ALG9: variants seen among roughly 807,000 people sequenced by gnomAD.
The protein encoded by ALG9 is alpha-1,2-mannosyltransferase ALG9.
In ALG9, 55 loss-of-function variants were observed where a neutral mutation model predicts 81.8. That is an observed-to-expected ratio of 0.67 (90% confidence interval 0.54 to 0.84). ALG9 has a LOEUF of 0.84. Ranked by LOEUF, ALG9 falls within the 40% of genes least tolerant of loss-of-function variation. The probability of loss-of-function intolerance (pLI) is 0.00; values close to 1 mark genes in which losing one functional copy is unlikely to be tolerated. For missense variants in ALG9, 629 were observed against 745.0 expected, an observed-to-expected ratio of 0.84 and a Z score of 1.81; for synonymous variants, 278 against 274.3, an observed-to-expected ratio of 1.01 and a Z score of -0.13.
intron 13 of ALG9, among the ~76,000 whole-genome samples, chr11:111,821,395 G>A (rs1180639039): frequency 6.6e-6 from 1 of 152,072 alleles, no homozygotes; most frequent in Non-Finnish European, 1.5e-5. Flanking sequence ...CCCAACCCCT[G>A]GGGCCTCCTG....
Position 111,837,603 on chromosome 11 carries a change from G to T in ALG9, c.1337C>A (p.Pro446His), listed in dbSNP as rs1428076759. ...GTAAAATTCTGGATACAAATCAAGG[G>T]GCCCGTGATATCCTGGAAGGGAGAA... The part of the protein sequence containing the change: ...SVALFRGYHG[P>H]LDLYPEFYRI... The change falls in exon 12 of 15, where the codon CCC (proline) becomes CAC (histidine). Residue 446 changes from proline (P) to histidine (H), a missense_variant. Around this residue, in one of 3 missense-constraint regions of ALG9, gnomAD observed 264 missense variants for 302.2 expected, o/e 0.87. Coordinates refer to ENST00000616540, the MANE Select transcript of ALG9 (RefSeq NM_024740.2). 1.9e-6 allele frequency: 3 copies of T among 1,613,930 alleles called. No individual in the cohort carries two copies. In the African/African-American group the frequency reaches 4.0e-5, roughly 22 times the overall value.
At chr11:111,798,193 AC>A (rs1250360748) in intron 14 of ALG9, 2 of 325,174 alleles carry the variant, frequency 6.2e-6, no homozygotes. Flanking sequence ...ACAGAGCGAG[AC>A]CCTGTCTTAA....
At position 111,863,603 on chromosome 11, in the gene ALG9, C is replaced by A. The variant is rs368862967; in HGVS notation, c.476+1578G>T. On this transcript the variant is annotated intron_variant, in intron 4 of 14. Coordinates refer to ENST00000616540, the MANE Select transcript of ALG9 (RefSeq NM_024740.2). ...AAATAATGATCACTAAGTCCAAATA[C>A]CTTTAAATATATTACTAAAGCATTA... Among the ~76,000 whole-genome samples, 9 of 152,114 alleles carry A rather than the reference C, an allele frequency of 5.9e-5. No individual in the cohort carries two copies. The East Asian group carries it at 1.5e-3, about 26-fold the overall frequency.
intron 8 of ALG9, chr11:111,849,842 T>C (rs556153858): frequency 6.6e-6 from 1 of 152,254 alleles, no homozygotes; most frequent in Admixed American, 6.5e-5. Context: ...TATTCTATGG[T>C]GTATACAGCA....
chr11:111,817,816 G>A (rs1264333192), intron 13 of ALG9, among the ~76,000 whole-genome samples: 5 of 142,988 alleles, frequency 3.5e-5, no homozygotes, highest in African/African-American at 1.3e-4. Flanking sequence ...TTGCTCTGTC[G>A]CCCAGGCTGG....
intron 7 of ALG9, 67 bp from the exon 8 acceptor site, chr11:111,853,552 G>A (rs1958165489): frequency 6.4e-7 from 1 of 1,569,264 alleles, no homozygotes; most frequent in South Asian, 1.1e-5. Context: ...ATAAACCTGA[G>A]AATGAAAAAC....
At chr11:111,852,034 CAAGT>C (rs1957910170) in intron 8 of ALG9, among the ~76,000 whole-genome samples, 1 of 152,194 alleles carries the variant, frequency 6.6e-6, no homozygotes, top group East Asian at 1.9e-4. Context: ...CCAGAAGACT[CAAGT>C]AAATCTCATT....
At chr11:111,862,060 T>C (rs1360543905) in intron 4 of ALG9, among the ~76,000 whole-genome samples, 1 of 152,152 alleles carries the variant, frequency 6.6e-6, no homozygotes, top group Non-Finnish European at 1.5e-5. Context: ...TGTATCTAGC[T>C]TGGGATATGT....
intron 6 of ALG9, among the ~76,000 whole-genome samples, chr11:111,855,797 T>C (rs1316925068): frequency 6.6e-6 from 1 of 152,062 alleles, no homozygotes; most frequent in East Asian, 1.9e-4. Context: ...GGACCTAAGA[T>C]ACAATCCTGA....
chr11:111,849,607 A>G (rs1489217174), intron 8 of ALG9: 2 of 152,142 alleles, frequency 1.3e-5, no homozygotes, highest in Non-Finnish European at 2.9e-5. Context: ...TGCATTAGCT[A>G]TTATCCTGAT....
intron 13 of ALG9, among the ~76,000 whole-genome samples, chr11:111,830,818 A>G (rs1274716783): frequency 1.3e-5 from 2 of 152,198 alleles, no homozygotes; most frequent in Non-Finnish European, 2.9e-5. Flanking sequence ...TAAACATAAT[A>G]TTTACTACTT....
At chr11:111,842,463 C>T (rs1555124882) in intron 9 of ALG9, among the ~76,000 whole-genome samples, 1 of 152,034 alleles carries the variant, frequency 6.6e-6, no homozygotes, top group Non-Finnish European at 1.5e-5. Context: ...GCTCTGTCAC[C>T]CAGGCTGGAG....
downstream of ALG9, among the ~76,000 whole-genome samples, chr11:111,780,908 G>A (rs985456124): frequency 6.6e-6 from 1 of 152,158 alleles, no homozygotes; most frequent in Admixed American, 6.6e-5. Context: ...TGCGAGACAG[G>A]GTCGCATGGT....
At chr11:111,803,503 GA>G (rs57411573) in intron 14 of ALG9, among the ~76,000 whole-genome samples, 131,049 of 133,424 alleles carry the variant, frequency 0.98, 64,365 homozygotes, top group South Asian at 0.99. Context: ...TCCATCTCAG[GA>G]AAAAAAAAAA....
At chr11:111,845,895 G>A (rs1956876766) in intron 8 of ALG9, among the ~76,000 whole-genome samples, 1 of 152,172 alleles carries the variant, frequency 6.6e-6, no homozygotes, top group South Asian at 2.1e-4. Context: ...GTAAGAGGGA[G>A]GGAGGTTACA....
chr11:111,820,374 T>A (rs2136563376), intron 13 of ALG9, among the ~76,000 whole-genome samples: 1 of 152,282 alleles, frequency 6.6e-6, no homozygotes, highest in Non-Finnish European at 1.5e-5. Flanking sequence ...TACTGTGCCA[T>A]CTCATGGCAG....
At chr11:111,834,221 T>C (rs1954846804) in intron 13 of ALG9, among the ~76,000 whole-genome samples, 1 of 152,188 alleles carries the variant, frequency 6.6e-6, no homozygotes, top group South Asian at 2.1e-4. Flanking sequence ...TGGACTTAAA[T>C]AGTTCACTTC....
chr11:111,805,411 C>T lies in ALG9; in HGVS notation c.1733+4232G>A, dbSNP rs1429456137. 44 of 441,982 alleles carry T rather than the reference C, an allele frequency of 1.0e-4. 1 individual carries two copies. 27.4% of individuals were successfully genotyped at this position (441,982 alleles called of 1,614,324 possible). A position where few individuals can be genotyped will look rare whatever the true frequency, so the allele number is the denominator to read the frequency against. On this transcript the variant is annotated intron_variant, in intron 14 of 14. Transcript: ENST00000616540. ...GACCAATGTCAAAACTTGGAAGCAACCAAAGATGTCCTTCAGTAGGTGAAT... is the reference window on the plus strand; with the variant it reads ...GACCAATGTCAAAACTTGGAAGCAATCAAAGATGTCCTTCAGTAGGTGAAT...
intron 13 of ALG9, among the ~76,000 whole-genome samples, chr11:111,834,944 G>A (rs1954978340): frequency 6.6e-6 from 1 of 152,202 alleles, no homozygotes; most frequent in Admixed American, 6.5e-5. Flanking sequence ...CAAGGGAACA[G>A]CTCAAGGCTG....
Sources: gnomAD v4.1 joint callset for allele counts (sites outside exome capture counted in the v4.1 genomes callset) on GRCh38, gnomAD v4.1.1 for gene constraint, gnomAD v4.1.1 regional missense constraint, MANE v1.5 for transcripts, NCBI Gene and HGNC (gene_info 2026-07-23, HGNC 2026-07-21) for gene names.